The following RAB20 variants were observed in gnomAD, a reference collection of about 807,000 sequenced individuals.
The protein encoded by RAB20 is ras-related protein Rab-20.
A neutral mutation model predicts 3.7 loss-of-function variants in RAB20; 2 were observed. That is an observed-to-expected ratio of 0.54 (90% CI 0.22 to 1.69). The LOEUF (loss-of-function observed/expected upper bound fraction) is 1.69. RAB20 is among the 40% of genes most tolerant of loss of function. The pLI, the probability that RAB20 is intolerant of heterozygous loss-of-function variation, is 0.19. For missense variants in RAB20, 276 were observed against 311.9 expected, an observed-to-expected ratio of 0.88 and a Z score of 0.87; for synonymous variants, 126 against 130.8, an observed-to-expected ratio of 0.96 and a Z score of 0.25.
intron 1 of RAB20, among the ~76,000 whole-genome samples, chr13:110,532,959 G>A (rs1197198562): frequency 6.6e-6 from 1 of 152,226 alleles, no homozygotes; most frequent in Non-Finnish European, 1.5e-5. Flanking sequence ...GGGGTCACAG[G>A]CATGAGCCAC....
intron 1 of RAB20, among the ~76,000 whole-genome samples, chr13:110,525,136 C>CAGCA (rs1884405233): frequency 6.6e-6 from 1 of 152,212 alleles, no homozygotes; most frequent in Non-Finnish European, 1.5e-5. Flanking sequence ...CCCGTGCCCC[C>CAGCA]AGCACTTCAG....
At chr13:110,559,170 G>A (rs1449114891) in intron 1 of RAB20, among the ~76,000 whole-genome samples, 1 of 152,078 alleles carries the variant, frequency 6.6e-6, no homozygotes, top group African/African-American at 2.4e-5. Flanking sequence ...CCATGCAATC[G>A]TTTTTACTAT....
intron 1 of RAB20, among the ~76,000 whole-genome samples, chr13:110,542,626 T>C (rs1402616721): frequency 6.6e-6 from 1 of 152,246 alleles, no homozygotes; most frequent in Non-Finnish European, 1.5e-5. Context: ...CATGATGTCC[T>C]CCGGGTTCAC....
chr13:110,544,848 T>C (rs1884825256), intron 1 of RAB20, among the ~76,000 whole-genome samples: 1 of 152,228 alleles, frequency 6.6e-6, no homozygotes, highest in South Asian at 2.1e-4. Context: ...AAATCTCAAC[T>C]TGAATTGTAT....
Position 110,558,694 on chromosome 13 carries a change from GTTT to G in RAB20, c.172+2651_172+2653del, listed in dbSNP as rs67548367. ...ACCGCGCAGCCCTGTCTTCCCATCTGTTTTTTTTTTTTTTTTTTTTTTTGAGAC... is the reference window on the plus strand; with the variant it reads ...ACCGCGCAGCCCTGTCTTCCCATCTGTTTTTTTTTTTTTTTTTTTTGAGAC... On this transcript the variant is annotated intron_variant, in intron 1 of 1. Transcript: ENST00000267328. 1.2e-3 allele frequency among the ~76,000 whole-genome samples: 59 copies of G among 50,910 alleles called. No individual in the cohort carries two copies. The South Asian group carries it at 0.016, about 14-fold the overall frequency. The allele number at this position is 50,910 out of a possible 152,430, so 33.4% of individuals were successfully genotyped here.
chr13:110,559,125 C>A (rs959578511), intron 1 of RAB20, among the ~76,000 whole-genome samples: 1 of 152,162 alleles, frequency 6.6e-6, no homozygotes, highest in Non-Finnish European at 1.5e-5. Context: ...GCCTTGCAGG[C>A]TACAAGCAGC....
chr13:110,558,446 C>T (rs1429900210), intron 1 of RAB20, among the ~76,000 whole-genome samples: 1 of 148,446 alleles, frequency 6.7e-6, no homozygotes, highest in Admixed American at 6.8e-5. Context: ...TGCAATGGCG[C>T]AATCTTGGCT....
chr13:110,549,406 G>A (rs1271682328), intron 1 of RAB20, among the ~76,000 whole-genome samples: 1 of 152,236 alleles, frequency 6.6e-6, no homozygotes, highest in East Asian at 1.9e-4. Flanking sequence ...GGAATCCAGG[G>A]AACTCACCAC....
At position 110,526,527 on chromosome 13, in the gene RAB20, T is replaced by G. The variant is rs142858385; in HGVS notation, c.173-2330A>C. Among the ~76,000 whole-genome samples the G allele has an allele frequency of 2.2e-3, 330 of 152,320 alleles. 1 individual carries two copies. The highest frequency in any genetic ancestry group is 7.7e-3 in the African/African-American group (319 of 41,570). ...ATGTCACTCTGAGGGCAACTTCCCCTGAGTGTGTGGACAGTGTCGACCACT... is the reference window on the plus strand; with the variant it reads ...ATGTCACTCTGAGGGCAACTTCCCCGGAGTGTGTGGACAGTGTCGACCACT... On this transcript the variant is annotated intron_variant, in intron 1 of 1. Coordinates refer to ENST00000267328, the MANE Select transcript of RAB20 (RefSeq NM_017817.3).
chr13:110,548,454 A>G lies in RAB20; in HGVS notation c.172+12894T>C, dbSNP rs535786017. Among the ~76,000 whole-genome samples the G allele has an allele frequency of 3.3e-5, 5 of 150,916 alleles. No individual in the cohort carries two copies. In the East Asian group the frequency reaches 9.8e-4, roughly 30 times the overall value. On this transcript the variant is annotated intron_variant, in intron 1 of 1. Coordinates refer to ENST00000267328, the MANE Select transcript of RAB20 (RefSeq NM_017817.3). ...AGCCGAGATCACACCACTGTACTCC[A>G]GCCTGGGCAAGAGAATGAAACTGTC...
rs2139571179 is a variant in RAB20, at chr13:110,523,483, TGAG to T, written c.*179_*181del. On this transcript the variant is annotated 3_prime_UTR_variant, in exon 2 of 2. Coordinates refer to ENST00000267328, the MANE Select transcript of RAB20 (RefSeq NM_017817.3). ...ACCTCCCCACCCCTCTGACAGAGAC[TGAG>T]GAGACCACACACGTTGACCTCCTCT... 2 of 1,100,016 alleles carry T rather than the reference TGAG, an allele frequency of 1.8e-6. No individual in the cohort carries two copies. Among genetic ancestry groups the T allele is most frequent in the South Asian group, 1.7e-5 (1 of 59,864 alleles). 68.1% of individuals were successfully genotyped at this position (1,100,016 alleles called of 1,614,324 possible).
chr13:110,536,732 G>GGA (rs1884647257), intron 1 of RAB20, among the ~76,000 whole-genome samples: 1 of 104,154 alleles, frequency 9.6e-6, no homozygotes, highest in Non-Finnish European at 2.0e-5. Context: ...GGGGCGGTGG[G>GGA]GGGGGGTTGT....
chr13:110,530,709 C>T (rs1050134210), intron 1 of RAB20, among the ~76,000 whole-genome samples: 3 of 137,730 alleles, frequency 2.2e-5, no homozygotes, highest in African/African-American at 2.7e-5. Context: ...CCCACCTCTA[C>T]GCAGACACAG....
rs777980406 is a variant in RAB20 at position 110,524,078 on chromosome 13, G to A, written c.292C>T (p.Leu98=). 79 of 1,613,750 alleles carry A rather than the reference G, an allele frequency of 4.9e-5. No individual in the cohort carries two copies. Among genetic ancestry groups the A allele is most frequent in the Non-Finnish European group, 3.0e-5 (35 of 1,180,038 alleles). The change falls in exon 2 of 2, where the codon CTG becomes TTG. Residue 98 remains leucine (L), a synonymous_variant. Transcript: ENST00000267328. Reference sequence around the variant, plus strand: ...CAGTCTTTGCTGGCTGTGTCTGTCAGGCCCAGGAACCGGTCCTCCAGCTCC... The same window carrying A: ...CAGTCTTTGCTGGCTGTGTCTGTCAAGCCCAGGAACCGGTCCTCCAGCTCC... The part of the protein sequence containing the change: ...LVELEDRFLG[L]TDTASKDCLF...
chr13:110,541,387 G>GCCA, intron 1 of RAB20, among the ~76,000 whole-genome samples: 1 of 152,260 alleles, frequency 6.6e-6, no homozygotes, highest in Non-Finnish European at 1.5e-5. Flanking sequence ...TAAACAATAG[G>GCCA]CCACCAGCTT....
Position 110,523,417 on chromosome 13 carries a change from C to T in RAB20, c.*248G>A, listed in dbSNP as rs1047836292. Reference sequence around the variant, plus strand: ...GCGGGGCAGAGAGCACCAGGGGTCTCGACTCTGCAGATTGGGCTTTGCAGA... The same window carrying T: ...GCGGGGCAGAGAGCACCAGGGGTCTTGACTCTGCAGATTGGGCTTTGCAGA... On this transcript the variant is annotated 3_prime_UTR_variant, in exon 2 of 2. Transcript: ENST00000267328. The T allele has an allele frequency of 7.9e-5, 59 of 746,836 alleles. No individual in the cohort carries two copies. Among genetic ancestry groups the T allele is most frequent in the African/African-American group, 4.0e-4 (23 of 56,838 alleles). 46.3% of individuals were successfully genotyped at this position (746,836 alleles called of 1,614,324 possible).
intron 1 of RAB20, among the ~76,000 whole-genome samples, chr13:110,545,840 G>A (rs1422565370): frequency 1.3e-5 from 2 of 152,134 alleles, no homozygotes; most frequent in Non-Finnish European, 2.9e-5. Context: ...ACAGTCCTTC[G>A]TTCTCTATTA....
intron 1 of RAB20, among the ~76,000 whole-genome samples, chr13:110,526,253 G>A (rs1884429046): frequency 6.6e-6 from 1 of 152,276 alleles, no homozygotes; most frequent in Non-Finnish European, 1.5e-5. Context: ...TCTGAACAAG[G>A]ATGAGGCTGC....
rs186148890 is a variant in RAB20, at chr13:110,532,149, C to T, written c.173-7952G>A. Among the ~76,000 whole-genome samples, 39 of 152,250 alleles carry T rather than the reference C, an allele frequency of 2.6e-4. No individual in the cohort carries two copies. The East Asian group carries it at 5.4e-3, about 21-fold the overall frequency. ...AAAATACTGATGCTCAGACCCTGAC[C>T]CAGCTGCCAGGGCAAGAGTGGGGCT... On this transcript the variant is annotated intron_variant, in intron 1 of 1. Coordinates refer to ENST00000267328, the MANE Select transcript of RAB20 (RefSeq NM_017817.3).
Sources: gnomAD v4.1 joint callset for allele counts (sites outside exome capture counted in the v4.1 genomes callset) on GRCh38, gnomAD v4.1.1 for gene constraint, MANE v1.5 for transcripts, NCBI Gene and HGNC (gene_info 2026-07-23, HGNC 2026-07-21) for gene names.